Variants in GSTA3 observed in about 807,000 individuals in gnomAD.
GSTA3 encodes the protein glutathione S-transferase A3.
A neutral mutation model predicts 23.1 loss-of-function variants in GSTA3; 16 were observed. The ratio of observed to expected loss-of-function variants is 0.69; its 90% confidence interval spans 0.47 to 1.05. The LOEUF is 1.05. GSTA3 is among the 50% of genes least tolerant of loss of function. The probability of loss-of-function intolerance (pLI) is 0.00; values close to 1 mark genes in which losing one functional copy is unlikely to be tolerated. For synonymous variants in GSTA3, 122 were observed against 91.0 expected (o/e 1.34, Z -1.94); for missense variants, 319 against 263.6 (o/e 1.21, Z -1.46).
At chr6:52,904,409 G>GT (rs1276549623) in intron 2 of GSTA3, among the ~76,000 whole-genome samples, 1 of 152,138 alleles carries the variant, frequency 6.6e-6, no homozygotes, top group Admixed American at 6.5e-5. Context: ...ATGAAACAGG[G>GT]TATTCATTTG....
At position 52,899,975 on chromosome 6, in the gene GSTA3, T is replaced by C. The variant is rs755499500; in HGVS notation, c.373A>G (p.Lys125Glu). ...AAATAGCGACTTTTTGTTTTCTCTTTGATCAAGGCAATCTTGGCATCTTTT... is the reference window on the plus strand; with the variant it reads ...AAATAGCGACTTTTTGTTTTCTCTTCGATCAAGGCAATCTTGGCATCTTTT... ...EEKDAKIALI[K>E]EKTKSRYFPA... Residue 125 changes from lysine (K) to glutamate (E), a missense_variant, in exon 5 of 7, where the codon AAA becomes GAA. Lys to Glu is a moderately conservative substitution (Grantham distance 56). Transcript: ENST00000211122. The C allele has an allele frequency of 1.2e-6, 2 of 1,614,092 alleles. No homozygotes were observed. Among genetic ancestry groups the C allele is most frequent in the Non-Finnish European group, 1.7e-6 (2 of 1,179,954 alleles).
rs756330400 is a variant in GSTA3, at chr6:52,905,802, A to C, written c.33T>G (p.Asn11Lys). Residue 11 changes from asparagine (N) to lysine (K), a missense_variant, in exon 2 of 7, where the codon AAT becomes AAG. By Grantham distance (94) the Asn-to-Lys change is moderately conservative. Transcript: ENST00000211122. Reference protein sequence around the residue: MAGKPKLHYFNGRGRMEPIRW... With the variant: MAGKPKLHYFKGRGRMEPIRW... ...GGATGGGCTCCATTCTGCCCCGTCC[A>C]TTGAAGTAGTGAAGCTTGGGCTTCC... The C allele has an allele frequency of 6.2e-7, 1 of 1,610,418 alleles. No homozygotes were observed. The highest frequency in any genetic ancestry group is 8.5e-7 in the Non-Finnish European group (1 of 1,177,772).
intron 6 of GSTA3, among the ~76,000 whole-genome samples, chr6:52,897,546 A>G (rs1345829687): frequency 6.6e-6 from 1 of 152,224 alleles, no homozygotes; most frequent in African/African-American, 2.4e-5. Flanking sequence ...AACAGACCAC[A>G]GAGGAATGGG....
At chr6:52,902,501 G>A in intron 3 of GSTA3, 23 bp from the exon 4 acceptor site, 1 of 1,588,858 alleles carries the variant, frequency 6.3e-7, no homozygotes, top group African/African-American at 1.4e-5. Context: ...GGAAAAAAAA[G>A]GAACATGAAA....
chr6:52,906,897 G>A (rs1765907645), intron 1 of GSTA3, among the ~76,000 whole-genome samples: 1 of 151,156 alleles, frequency 6.6e-6, no homozygotes, highest in Non-Finnish European at 1.5e-5. Context: ...CAGGACATAG[G>A]CATGGGCAAG....
At chr6:52,900,231 T>C (rs1470797747) in intron 4 of GSTA3, among the ~76,000 whole-genome samples, 156 bp from the exon 5 acceptor site, 3 of 151,858 alleles carry the variant, frequency 2.0e-5, no homozygotes, top group Non-Finnish European at 2.9e-5. Flanking sequence ...GATTTTTGCA[T>C]GTATGTTGAC....
At chr6:52,902,316 G>A (rs751102513) in intron 4 of GSTA3, 30 bp downstream of exon 4, 2 of 1,611,098 alleles carry the variant, frequency 1.2e-6, no homozygotes, top group South Asian at 2.2e-5. Context: ...TGTGTTCTCT[G>A]TGGATGGAAG....
intron 4 of GSTA3, 88 bp from the exon 5 acceptor site, chr6:52,900,163 T>A: frequency 8.6e-7 from 1 of 1,159,658 alleles, no homozygotes; most frequent in East Asian, 2.5e-5. Context: ...GAGGGTCAGA[T>A]GGTGGTAAGG....
At chr6:52,901,087 GT>G (rs1765668318) in intron 4 of GSTA3, among the ~76,000 whole-genome samples, 1 of 152,068 alleles carries the variant, frequency 6.6e-6, no homozygotes, top group Admixed American at 6.6e-5. Context: ...GTTTAATTAG[GT>G]TTTCCACAGT....
Position 52,897,874 on chromosome 6 carries a change from T to C in GSTA3, c.497A>G (p.Tyr166Cys), listed in dbSNP as rs762621996. The C allele has an allele frequency of 5.6e-6, 9 of 1,613,700 alleles. No individual in the cohort carries two copies. The East Asian group carries it at 1.3e-4, about 24-fold the overall frequency. Residue 166 changes from tyrosine (Y) to cysteine (C), a missense_variant, in exon 6 of 7, where the codon TAT becomes TGT. Transcript: ENST00000211122. ...AAGGCTGGAGTCAAGCTCTTCCACA[T>C]AGTAGAGAAGTTCCACCAGGCTAAT... ...ADISLVELLY[Y>C]VEELDSSLIS...
chr6:52,899,368 A>ATT (rs965629081), intron 5 of GSTA3, among the ~76,000 whole-genome samples: 6 of 152,174 alleles, frequency 3.9e-5, no homozygotes, highest in African/African-American at 1.4e-4. Flanking sequence ...CTGCGCTGTT[A>ATT]TAATCTGCAA....
Position 52,896,732 on chromosome 6 carries a change from TAAGTA to T in GSTA3, c.*69_*73del. On this transcript the variant is annotated 3_prime_UTR_variant, in exon 7 of 7. Coordinates refer to ENST00000211122, the MANE Select transcript of GSTA3 (RefSeq NM_000847.5). Reference sequence around the variant, plus strand: ...CTTTACAACAGGCACAATCAACACTTAAGTAAAGCACTTCATTGTTGCAAAACTTT... The same window carrying T: ...CTTTACAACAGGCACAATCAACACTTAAGCACTTCATTGTTGCAAAACTTT... 6.4e-7 allele frequency: 1 copy of T among 1,551,534 alleles called. No individual in the cohort carries two copies. Among genetic ancestry groups the T allele is most frequent in the African/African-American group, 1.4e-5 (1 of 73,096 alleles).
In GSTA3 at chr6:52,897,932, A is replaced by T. The variant is rs144126679; in HGVS notation, c.439T>A (p.Tyr147Asn). 1.2e-6 allele frequency: 2 copies of T among 1,613,982 alleles called. No homozygotes were observed. Among genetic ancestry groups the T allele is most frequent in the South Asian group, 2.2e-5 (2 of 91,078 alleles). The change falls in exon 6 of 7, where the codon TAC (tyrosine) becomes AAC (asparagine). Residue 147 changes from tyrosine (Y) to asparagine (N), a missense_variant. By Grantham distance (143) the Tyr-to-Asn change is moderately radical. Coordinates refer to ENST00000211122, the MANE Select transcript of GSTA3 (RefSeq NM_000847.5). ...EKVLQSHGQD[Y>N]LVGNKLSRAD... is the part of the protein sequence containing the mutation. Reference sequence around the variant, plus strand: ...CGGCTCAGCTTGTTGCCAACAAGGTAGTCTTGTCCATGGCTCTGTAACACC... The same window carrying T: ...CGGCTCAGCTTGTTGCCAACAAGGTTGTCTTGTCCATGGCTCTGTAACACC...
chr6:52,905,073 C>CA (rs1366994621), intron 2 of GSTA3, among the ~76,000 whole-genome samples: 13 of 152,310 alleles, frequency 8.5e-5, no homozygotes, highest in African/African-American at 3.1e-4. Flanking sequence ...TCCCTGACCT[C>CA]ATTGTGGTTT....
intron 1 of GSTA3, among the ~76,000 whole-genome samples, chr6:52,907,457 G>A (rs1371900047): frequency 6.7e-6 from 1 of 149,410 alleles, no homozygotes; most frequent in African/African-American, 2.5e-5. Context: ...ATTTGACCCA[G>A]CCATCCCATT....
chr6:52,903,359 G>A (rs1765761206), intron 3 of GSTA3, among the ~76,000 whole-genome samples: 2 of 151,486 alleles, frequency 1.3e-5, no homozygotes, highest in Non-Finnish European at 1.5e-5. Flanking sequence ...AGGCCGAGGC[G>A]GGCGGATCAC....
intron 5 of GSTA3, 97 bp from the exon 6 acceptor site, chr6:52,898,053 G>A: frequency 7.3e-7 from 1 of 1,378,322 alleles, no homozygotes; most frequent in Non-Finnish European, 1.0e-6. Context: ...TCCCACCTGT[G>A]TTGCCTAACT....
chr6:52,896,747 A>G lies in GSTA3; in HGVS notation c.*59T>C. ...AATCAACACTTAAGTAAAGCACTTC[A>G]TTGTTGCAAAACTTTAGAATATTGG... On this transcript the variant is annotated 3_prime_UTR_variant, in exon 7 of 7. Coordinates refer to ENST00000211122, the MANE Select transcript of GSTA3 (RefSeq NM_000847.5). The G allele has an allele frequency of 1.2e-6, 2 of 1,601,576 alleles. No individual in the cohort carries two copies. Among genetic ancestry groups the G allele is most frequent in the Admixed American group, 1.7e-5 (1 of 58,936 alleles).
chr6:52,908,070 T>C (rs950763592), intron 1 of GSTA3, among the ~76,000 whole-genome samples: 3 of 151,806 alleles, frequency 2.0e-5, no homozygotes, highest in African/African-American at 4.8e-5. Context: ...GAAGTTGTCA[T>C]AGTCTTTAAG....
Sources: allele counts gnomAD v4.1 joint callset (sites outside exome capture counted in the v4.1 genomes callset), GRCh38; gene constraint gnomAD v4.1.1; transcripts MANE v1.5; gene names NCBI Gene and HGNC (gene_info 2026-07-23, HGNC 2026-07-21).